Variants in ALDH7A1 observed in about 807,000 individuals in gnomAD.
ALDH7A1 encodes the protein aldehyde dehydrogenase 7 family member A1, also known as alpha-aminoadipic semialdehyde dehydrogenase.
A neutral mutation model predicts 79.9 loss-of-function variants in ALDH7A1; 63 were observed. The ratio of observed to expected loss-of-function variants is 0.79; its 90% CI spans 0.64 to 0.97. The LOEUF (loss-of-function observed/expected upper bound fraction) is 0.97, where lower values mean the gene tolerates loss of function less well. Among genes scored for constraint, ALDH7A1 ranks in the 50% least tolerant of loss-of-function variants. The probability of loss-of-function intolerance (pLI) is 0.00; values close to 1 mark genes in which losing one functional copy is unlikely to be tolerated. For synonymous variants in ALDH7A1, 240 were observed against 231.2 expected (o/e 1.04, Z -0.34); for missense variants, 627 against 665.2 (o/e 0.94, Z 0.63).
At chr5:126,585,806 G>A (rs60985970) in intron 3 of ALDH7A1, among the ~76,000 whole-genome samples, 19,403 of 151,970 alleles carry the variant, frequency 0.13, 1,471 homozygotes, top group African/African-American at 0.21. Context: ...CAGGTAATCC[G>A]CCTGCCTCGG....
At chr5:126,586,538 TA>T (rs1751363525) in intron 3 of ALDH7A1, 1 of 152,244 alleles carries the variant, frequency 6.6e-6, no homozygotes, top group African/African-American at 2.4e-5. Flanking sequence ...TTGCCCTCTA[TA>T]GAGCTGACAG....
At chr5:126,582,226 G>A in intron 5 of ALDH7A1, 1 of 398,234 alleles carries the variant, frequency 2.5e-6, no homozygotes, top group Non-Finnish European at 4.4e-6. Flanking sequence ...TTAGTCATGG[G>A]GGTAGGAGGG....
intron 11 of ALDH7A1, among the ~76,000 whole-genome samples, chr5:126,558,267 T>C (rs1038476904): frequency 2.0e-5 from 3 of 150,964 alleles, no homozygotes; most frequent in African/African-American, 7.3e-5. Context: ...AAAATCAAAG[T>C]TGTAACACAT....
At chr5:126,582,797 T>G in intron 5 of ALDH7A1, 54 bp downstream of exon 5, 1 of 1,606,412 alleles carries the variant, frequency 6.2e-7, no homozygotes, top group Non-Finnish European at 8.5e-7. Context: ...TTATTTTTTT[T>G]GGAGCTCTGT....
At chr5:126,558,585 T>C (rs1456752966) in intron 11 of ALDH7A1, among the ~76,000 whole-genome samples, 1 of 152,184 alleles carries the variant, frequency 6.6e-6, no homozygotes, top group Non-Finnish European at 1.5e-5. Flanking sequence ...GGTGCAATCA[T>C]GGCTCATTGC....
chr5:126,562,353 C>G (rs1030082317), intron 9 of ALDH7A1: 2 of 150,872 alleles, frequency 1.3e-5, no homozygotes, highest in South Asian at 2.1e-4. Context: ...CAGGCATGCA[C>G]CACCATGCCC....
At chr5:126,574,530 C>T (rs550150819) in intron 7 of ALDH7A1, among the ~76,000 whole-genome samples, 11 of 151,788 alleles carry the variant, frequency 7.2e-5, no homozygotes, top group South Asian at 2.1e-4. Flanking sequence ...CCCATCTCTA[C>T]TAAAAACACA....
At chr5:126,565,448 T>A (rs1237576930) in intron 9 of ALDH7A1, among the ~76,000 whole-genome samples, 1 of 151,298 alleles carries the variant, frequency 6.6e-6, no homozygotes, top group Non-Finnish European at 1.5e-5. Context: ...CCAATGCCCA[T>A]TTTTAATTGG....
chr5:126,577,346 A>G (rs1421589944), intron 5 of ALDH7A1, 135 bp from the exon 6 acceptor site: 26 of 1,083,184 alleles, frequency 2.4e-5, no homozygotes, highest in Non-Finnish European at 3.6e-5. Context: ...CAGCCATGGG[A>G]TATCAGTACA....
chr5:126,576,315 A>C (rs1326730555), intron 6 of ALDH7A1, among the ~76,000 whole-genome samples: 5 of 151,284 alleles, frequency 3.3e-5, no homozygotes, highest in African/African-American at 9.7e-5. Flanking sequence ...TTCTCTTGTT[A>C]AAGTAAGAAA....
intron 3 of ALDH7A1, 134 bp downstream of exon 3, chr5:126,592,530 C>T (rs1400024993): frequency 2.3e-6 from 2 of 852,978 alleles, no homozygotes; most frequent in African/African-American, 1.7e-5. Context: ...AGCCCTAGTA[C>T]AGTATCACAG....
chr5:126,557,482 G>A (rs552767255), intron 11 of ALDH7A1, among the ~76,000 whole-genome samples: 1 of 151,854 alleles, frequency 6.6e-6, no homozygotes, highest in Non-Finnish European at 1.5e-5. Context: ...AGCTACTCAG[G>A]AGGCTGAGGT....
chr5:126,589,305 G>A (rs1008900356), intron 3 of ALDH7A1, among the ~76,000 whole-genome samples: 6 of 151,848 alleles, frequency 4.0e-5, no homozygotes, highest in South Asian at 2.1e-4. Flanking sequence ...TTACAGGCGC[G>A]CACCACCATG....
intron 3 of ALDH7A1, among the ~76,000 whole-genome samples, chr5:126,589,984 G>A (rs1445568763): frequency 1.2e-4 from 16 of 132,254 alleles, no homozygotes; most frequent in Admixed American, 2.9e-4. Flanking sequence ...AGTGAGGAGC[G>A]CCTCTGCCCA....
chr5:126,570,291 A>T (rs1009087703), intron 8 of ALDH7A1: 2 of 187,348 alleles, frequency 1.1e-5, no homozygotes, highest in African/African-American at 4.8e-5. Context: ...AGAGCATTTC[A>T]TGATTTTATG....
chr5:126,573,483 A>G (rs888512927), intron 7 of ALDH7A1, among the ~76,000 whole-genome samples: 2 of 151,754 alleles, frequency 1.3e-5, no homozygotes, highest in Non-Finnish European at 2.9e-5. Context: ...GCAGATCACG[A>G]GGTCAGGAGA....
At chr5:126,591,887 C>T (rs1285884153) in intron 3 of ALDH7A1, 2 of 151,718 alleles carry the variant, frequency 1.3e-5, no homozygotes, top group Non-Finnish European at 2.9e-5. Context: ...AGTCAAGGAA[C>T]ATGAGCCTCT....
chr5:126,568,783 T>C (rs1202007098), intron 8 of ALDH7A1: 5 of 232,494 alleles, frequency 2.2e-5, no homozygotes, highest in Non-Finnish European at 8.6e-6. Context: ...AATACTAAAA[T>C]TAGCCAGGTG....
At chr5:126,588,252 T>C (rs891002023) in intron 3 of ALDH7A1, 2 of 152,040 alleles carry the variant, frequency 1.3e-5, no homozygotes, top group Non-Finnish European at 2.9e-5. Flanking sequence ...GGCAGATCAC[T>C]TGAGGTCAGG....
Sources: gnomAD v4.1 joint callset for allele counts (sites outside exome capture counted in the v4.1 genomes callset) on GRCh38, gnomAD v4.1.1 for gene constraint, MANE v1.5 for transcripts, NCBI Gene and HGNC (gene_info 2026-07-23, HGNC 2026-07-21) for gene names.